DOCK3: variants seen among roughly 807,000 people sequenced by gnomAD.
DOCK3 encodes the protein dedicator of cytokinesis protein 3.
A neutral mutation model predicts 265.6 loss-of-function variants in DOCK3; 60 were observed. That is an observed-to-expected ratio of 0.23 (90% CI 0.18 to 0.28). DOCK3 has a LOEUF of 0.28. Among genes scored for constraint, DOCK3 ranks in the 10% least tolerant of loss-of-function variants. The probability of loss-of-function intolerance (pLI) is 1.00; values close to 1 mark genes in which losing one functional copy is unlikely to be tolerated. For synonymous variants in DOCK3, 881 were observed against 938.0 expected (o/e 0.94, Z 1.11); for missense variants, 1,981 against 2,594.3 (o/e 0.76, Z 5.14).
chr3:51,029,585 G>A (rs1233753244), intron 5 of DOCK3, among the ~76,000 whole-genome samples: 1 of 152,224 alleles, frequency 6.6e-6, no homozygotes, highest in Non-Finnish European at 1.5e-5. Flanking sequence ...ACCCCCTGAA[G>A]TGGTTGGTGC....
intron 5 of DOCK3, among the ~76,000 whole-genome samples, chr3:50,939,708 G>A (rs9868870): frequency 0.86 from 130,176 of 152,074 alleles, 56,009 homozygotes; most frequent in East Asian, 0.95. Context: ...CAGTAAACTA[G>A]CAGTAGAAGC....
chr3:50,762,281 C>G (rs58231937), intron 1 of DOCK3, among the ~76,000 whole-genome samples: 3,769 of 151,200 alleles, frequency 0.025, 182 homozygotes, highest in African/African-American at 0.087. Context: ...GAATAGATAA[C>G]CTTAAGGTAG....
chr3:51,379,760 G>A (rs1350067006), intron 51 of DOCK3, among the ~76,000 whole-genome samples: 7 of 152,364 alleles, frequency 4.6e-5, no homozygotes, highest in East Asian at 1.9e-4. Flanking sequence ...AGTACAGCAG[G>A]TTAGCTCAGG....
At chr3:50,851,017 T>G (rs1186985379) in intron 3 of DOCK3, among the ~76,000 whole-genome samples, 1 of 152,148 alleles carries the variant, frequency 6.6e-6, no homozygotes, top group Non-Finnish European at 1.5e-5. Context: ...ACCATGCAGG[T>G]CTGCCTATAG....
chr3:51,268,679 T>G (rs2080328469), intron 23 of DOCK3, among the ~76,000 whole-genome samples: 1 of 152,232 alleles, frequency 6.6e-6, no homozygotes, highest in African/African-American at 2.4e-5. Context: ...CAGTTGCCTA[T>G]AGGTTTCTCA....
chr3:51,206,511 A>G (rs2089218187), intron 12 of DOCK3, among the ~76,000 whole-genome samples: 1 of 152,188 alleles, frequency 6.6e-6, no homozygotes. Context: ...GGAGAATAAT[A>G]GAGCAAGCTG....
At chr3:51,304,019 C>CT (rs1274731968) in intron 27 of DOCK3, among the ~76,000 whole-genome samples, 1 of 152,242 alleles carries the variant, frequency 6.6e-6, no homozygotes, top group East Asian at 1.9e-4. Flanking sequence ...GGGGGAAAGA[C>CT]TAAGTCTGCT....
At chr3:50,807,932 A>C (rs1403129320) in intron 2 of DOCK3, among the ~76,000 whole-genome samples, 1 of 152,130 alleles carries the variant, frequency 6.6e-6, no homozygotes, top group Non-Finnish European at 1.5e-5. Flanking sequence ...AATTACTTTT[A>C]TAGAGATAGG....
Position 51,359,399 on chromosome 3 carries a change from C to T in DOCK3, c.4885-1112C>T, listed in dbSNP as rs530969459. Among the ~76,000 whole-genome samples, 6 of 152,332 alleles carry T rather than the reference C, an allele frequency of 3.9e-5. No individual in the cohort carries two copies. The South Asian group carries it at 1.2e-3, about 32-fold the overall frequency. On this transcript the variant is annotated intron_variant, in intron 46 of 52. Coordinates refer to ENST00000266037, the MANE Select transcript of DOCK3 (RefSeq NM_004947.5). The surrounding 1 kb of genome is among the most constrained non-coding windows in gnomAD (Gnocchi z 4.8). ...AATTTCTCCCTCTGTTAGGATTCTC[C>T]CATGGTATTTCAAGGTGAAATATGC...
intron 24 of DOCK3, among the ~76,000 whole-genome samples, chr3:51,273,585 A>G (rs1576618167): frequency 6.6e-6 from 1 of 152,344 alleles, no homozygotes; most frequent in East Asian, 1.9e-4. Flanking sequence ...ATAGTGCAGT[A>G]TCAACTTTTT....
At chr3:51,056,565 A>G (rs1412486784) in intron 5 of DOCK3, among the ~76,000 whole-genome samples, 1 of 152,154 alleles carries the variant, frequency 6.6e-6, no homozygotes, top group African/African-American at 2.4e-5. Flanking sequence ...GGTATTTTTG[A>G]CATAAAGGTC....
intron 32 of DOCK3, among the ~76,000 whole-genome samples, chr3:51,315,578 T>C (rs968044688): frequency 3.3e-5 from 5 of 152,150 alleles, no homozygotes; most frequent in Non-Finnish European, 7.4e-5. Flanking sequence ...ACAGGCCCCT[T>C]GGCTTCCAAC....
intron 37 of DOCK3, among the ~76,000 whole-genome samples, 171 bp from the exon 38 acceptor site, chr3:51,341,066 A>G (rs1576864851): frequency 6.6e-6 from 1 of 152,196 alleles, no homozygotes; most frequent in East Asian, 1.9e-4. Flanking sequence ...GACAAGGGTT[A>G]TTGGCTTGTT....
intron 27 of DOCK3, among the ~76,000 whole-genome samples, chr3:51,290,438 G>A (rs543035493): frequency 3.2e-4 from 48 of 151,994 alleles, no homozygotes; most frequent in African/African-American, 1.1e-3. Context: ...CGCAAGGACA[G>A]AAATCCAAAC....
intron 27 of DOCK3, among the ~76,000 whole-genome samples, chr3:51,304,697 T>C (rs1261485677): frequency 1.3e-5 from 2 of 152,204 alleles, no homozygotes; most frequent in Admixed American, 6.5e-5. Context: ...ACTGCCTCCC[T>C]TGGCTGGTGG....
chr3:51,185,839 G>A (rs1235203553), intron 12 of DOCK3, among the ~76,000 whole-genome samples: 1 of 152,122 alleles, frequency 6.6e-6, no homozygotes, highest in East Asian at 1.9e-4. Flanking sequence ...TGTAAGATGT[G>A]ATTTGCTCCT....
At chr3:50,877,254 T>C in intron 3 of DOCK3, 1 of 344,430 alleles carries the variant, frequency 2.9e-6, no homozygotes. Context: ...TTAACCCTTT[T>C]TATTCTTTCT....
At chr3:50,734,140 A>G (rs1191687443) in intron 1 of DOCK3, among the ~76,000 whole-genome samples, 1 of 152,202 alleles carries the variant, frequency 6.6e-6, no homozygotes, top group Non-Finnish European at 1.5e-5. Flanking sequence ...CTCTCTGTCT[A>G]CCTATCTACC....
intron 5 of DOCK3, among the ~76,000 whole-genome samples, chr3:50,956,157 C>G (rs555077500): frequency 6.6e-6 from 1 of 151,702 alleles, no homozygotes; most frequent in Non-Finnish European, 1.5e-5. Flanking sequence ...TCTTAGCATT[C>G]TGCCATATAT....
Sources: allele counts gnomAD v4.1 joint callset (sites outside exome capture counted in the v4.1 genomes callset), GRCh38; gene constraint gnomAD v4.1.1; non-coding constraint Gnocchi (gnomAD v3.1); transcripts MANE v1.5; gene names NCBI Gene and HGNC (gene_info 2026-07-23, HGNC 2026-07-21).